Variants in PCDHA1 observed in about 807,000 individuals in gnomAD.
The protein encoded by PCDHA1 is protocadherin alpha-1.
A neutral mutation model predicts 61.3 loss-of-function variants in PCDHA1; 42 were observed. The ratio of observed to expected loss-of-function variants is 0.69; its 90% confidence interval spans 0.54 to 0.89. The LOEUF (loss-of-function observed/expected upper bound fraction) is 0.89. PCDHA1 is among the 40% of genes least tolerant of loss of function. The pLI is 0.00. For missense variants in PCDHA1, 1,256 were observed against 1,235.3 expected (o/e 1.02, Z -0.25); for synonymous variants, 610 against 553.8 (o/e 1.10, Z -1.43).
intron 1 of PCDHA1, among the ~76,000 whole-genome samples, chr5:140,924,669 C>T (rs2081944464): frequency 6.6e-6 from 1 of 151,998 alleles, no homozygotes; most frequent in African/African-American, 2.4e-5. Flanking sequence ...CCGAGGCAGG[C>T]CAATCACTTG....
chr5:140,875,529 G>T (rs369713851), intron 1 of PCDHA1: 5 of 1,613,994 alleles, frequency 3.1e-6, no homozygotes, highest in Admixed American at 1.7e-5. Context: ...TCTCGCTTCT[G>T]CTCCTTGCAG....
intron 1 of PCDHA1, among the ~76,000 whole-genome samples, chr5:140,974,558 C>A (rs984567503): frequency 4.5e-4 from 68 of 152,132 alleles, no homozygotes; most frequent in African/African-American, 1.6e-3. Context: ...GTTGCCCAGG[C>A]TGGAGTGCAA....
rs1554169929 is a variant in PCDHA1 at position 140,877,625 on chromosome 5, A to G, written c.2394+88941A>G. On this transcript the variant is annotated intron_variant, in intron 1 of 3. Coordinates refer to ENST00000504120, the MANE Select transcript of PCDHA1 (RefSeq NM_018900.4). ...CTGCTGGTGCTCACGCTGCTGCTGT[A>G]CACTGCGCTGCGTTGCTCAGCGCCG... 6.2e-7 allele frequency: 1 copy of G among 1,613,774 alleles called. No individual in the cohort carries two copies. Among genetic ancestry groups the G allele is most frequent in the Non-Finnish European group, 8.5e-7 (1 of 1,179,852 alleles).
intron 1 of PCDHA1, chr5:140,930,374 C>G (rs549190703): frequency 6.6e-6 from 1 of 151,988 alleles, no homozygotes; most frequent in South Asian, 2.1e-4. Flanking sequence ...TGTTAGTGGC[C>G]CTTGGCATTT....
At chr5:141,001,144 C>T (rs1225047253) in intron 3 of PCDHA1, among the ~76,000 whole-genome samples, 3 of 151,960 alleles carry the variant, frequency 2.0e-5, no homozygotes, top group Non-Finnish European at 4.4e-5. Context: ...TCTTCTGTTG[C>T]TCTGATCTTA....
chr5:140,837,564 A>G, intron 1 of PCDHA1, among the ~76,000 whole-genome samples: 1 of 152,062 alleles, frequency 6.6e-6, no homozygotes, highest in South Asian at 2.1e-4. Context: ...ATATAAATAT[A>G]TTTACAATCA....
chr5:140,993,463 CACACA>C (rs1563592057), intron 3 of PCDHA1, among the ~76,000 whole-genome samples: 16 of 7,580 alleles, frequency 2.1e-3, no homozygotes, highest in African/African-American at 9.9e-3. Flanking sequence ...CTTTCTTTCT[CACACA>C]CACACACACA....
intron 1 of PCDHA1, among the ~76,000 whole-genome samples, chr5:140,806,342 A>C (rs1763719960): frequency 6.6e-6 from 1 of 152,254 alleles, no homozygotes; most frequent in Admixed American, 6.5e-5. Context: ...AGAACAAGCA[A>C]GTACTTATAA....
At chr5:140,821,884 G>A (rs2150111623) in intron 1 of PCDHA1, 3 of 1,614,242 alleles carry the variant, frequency 1.9e-6, no homozygotes, top group Non-Finnish European at 2.5e-6. Flanking sequence ...GATCCCGGAG[G>A]AAGCCAAACA....
At chr5:140,827,022 A>G (rs1294814001) in intron 1 of PCDHA1, among the ~76,000 whole-genome samples, 2 of 152,218 alleles carry the variant, frequency 1.3e-5, no homozygotes, top group African/African-American at 4.8e-5. Context: ...TAAAAATATG[A>G]ATTTAAAAAT....
At chr5:140,791,494 A>G (rs1554118672) in intron 1 of PCDHA1, among the ~76,000 whole-genome samples, 1 of 152,248 alleles carries the variant, frequency 6.6e-6, no homozygotes, top group African/African-American at 2.4e-5. Context: ...ATTTTAGAGG[A>G]AAAACTGAAT....
intron 1 of PCDHA1, among the ~76,000 whole-genome samples, chr5:140,846,605 ACCT>A (rs1246547204): frequency 6.7e-6 from 1 of 148,178 alleles, no homozygotes; most frequent in East Asian, 1.9e-4. Context: ...CGATCTCCTG[ACCT>A]CCTGATCCGC....
chr5:140,868,895 G>A (rs782646284), intron 1 of PCDHA1: 198 of 777,068 alleles, frequency 2.5e-4, no homozygotes, highest in Admixed American at 3.7e-4. Flanking sequence ...TAGGCGCAAG[G>A]TGTCGCTCTT....
chr5:140,796,340 A>T (rs1762070988), intron 1 of PCDHA1: 10 of 1,610,400 alleles, frequency 6.2e-6, no homozygotes, highest in Non-Finnish European at 8.5e-6. Flanking sequence ...GCACAGCCTG[A>T]GTACACAGTA....
In PCDHA1 at chr5:140,802,960, G is replaced by A. The variant is rs1763074901; in HGVS notation, c.2394+14276G>A. The stretch of plus-strand genomic sequence containing the variant: ...CTGGTGCCGCGGTCAGTGGGTGCGG[G>A]CCACGTGGTAGCGAAGGTGCGCGCA... On this transcript the variant is annotated intron_variant, in intron 1 of 3. Coordinates refer to ENST00000504120, the MANE Select transcript of PCDHA1 (RefSeq NM_018900.4). 6.2e-7 allele frequency: 1 copy of A among 1,613,960 alleles called. No individual in the cohort carries two copies.
intron 1 of PCDHA1, among the ~76,000 whole-genome samples, chr5:140,945,724 A>G (rs569323682): frequency 4.6e-5 from 7 of 152,272 alleles, no homozygotes; most frequent in South Asian, 2.1e-4. Flanking sequence ...AAGAATATAC[A>G]ATGGAAAAAG....
chr5:140,929,364 A>C (rs782443919), intron 1 of PCDHA1: 3 of 1,521,318 alleles, frequency 2.0e-6, no homozygotes, highest in Admixed American at 2.2e-5. Flanking sequence ...TTTGGCCCGG[A>C]GATGGCTGCT....
chr5:140,982,779 G>A (rs1228586175), intron 3 of PCDHA1, among the ~76,000 whole-genome samples: 2 of 151,918 alleles, frequency 1.3e-5, no homozygotes, highest in African/African-American at 2.4e-5. Context: ...GAAAGTGTGT[G>A]TGCACGCATG....
In PCDHA1 at chr5:140,843,362, A is replaced by C. The variant is rs2150191261; in HGVS notation, c.2394+54678A>C. On this transcript the variant is annotated intron_variant, in intron 1 of 3. Transcript: ENST00000504120. ...CGGCCAGGCTCCAAAAGCGTCATCG[A>C]GGCAGTCGGCTGGCGTTTTGGGTCC... 3 of 1,595,998 alleles carry C rather than the reference A, an allele frequency of 1.9e-6. No homozygotes were observed. The East Asian group carries it at 6.7e-5, about 36-fold the overall frequency.
Sources: gnomAD v4.1 joint callset for allele counts (sites outside exome capture counted in the v4.1 genomes callset) on GRCh38, gnomAD v4.1.1 for gene constraint, MANE v1.5 for transcripts, NCBI Gene and HGNC (gene_info 2026-07-23, HGNC 2026-07-21) for gene names.